MAF: variants seen among roughly 807,000 people sequenced by gnomAD.
MAF encodes MAF bZIP transcription factor, also known as transcription factor Maf.
Under a neutral mutation model 22.0 loss-of-function variants are expected in MAF, and 10 were observed. That is an observed-to-expected ratio of 0.45 (90% CI 0.28 to 0.77). MAF has a LOEUF of 0.77. Among genes scored for constraint, MAF ranks in the 30% least tolerant of loss-of-function variants. MAF has a pLI of 0.12. For synonymous variants in MAF, 337 were observed against 255.8 expected, an observed-to-expected ratio of 1.32 and a Z score of -3.03; for missense variants, 544 against 548.4, an observed-to-expected ratio of 0.99 and a Z score of 0.08.
chr16:79,389,371 G>A, the MAF span, among the ~76,000 whole-genome samples: 2 of 152,076 alleles, frequency 1.3e-5, no homozygotes, highest in Non-Finnish European at 2.9e-5. Flanking sequence ...AAGTGATTCT[G>A]CCTCAGCCTC....
the MAF span, among the ~76,000 whole-genome samples, chr16:79,368,176 AG>A: frequency 2.0e-5 from 3 of 152,068 alleles, no homozygotes; most frequent in Non-Finnish European, 2.9e-5. Context: ...AATTATTTGG[AG>A]GGCCAGGCTA....
At chr16:79,434,514 C>T in the MAF span, among the ~76,000 whole-genome samples, 1 of 152,072 alleles carries the variant, frequency 6.6e-6, no homozygotes, top group Non-Finnish European at 1.5e-5. Context: ...ATGATGTGAG[C>T]TCCCATTGGC....
chr16:79,599,786 G>A lies in MAF; in HGVS notation c.117C>T (p.Thr39=), dbSNP rs747615775. ...KFEVKKEPVE[T]DRIISQCGRL... is the part of the protein sequence containing the mutation. ...GGCCGCACTGGCTGATGATGCGGTC[G>A]GTCTCCACCGGTTCCTTTTTCACTT... is the stretch of plus-strand genomic sequence containing the variant. Residue 39 remains threonine, a synonymous_variant, in exon 1 of 2, where the codon ACC becomes ACT. Coordinates refer to ENST00000326043, the MANE Select transcript of MAF (RefSeq NM_005360.5). 2 of 1,612,934 alleles carry A rather than the reference G, an allele frequency of 1.2e-6. No homozygotes were observed. Among genetic ancestry groups the A allele is most frequent in the Non-Finnish European group, 1.7e-6 (2 of 1,179,940 alleles).
the MAF span, among the ~76,000 whole-genome samples, chr16:79,226,625 A>G: frequency 1.3e-5 from 2 of 152,094 alleles, no homozygotes. Context: ...ACCTACATTC[A>G]TGACTTTGTA....
the MAF span, among the ~76,000 whole-genome samples, chr16:79,285,846 G>T: frequency 7.3e-3 from 1,117 of 152,290 alleles, 16 homozygotes; most frequent in African/African-American, 0.025. Flanking sequence ...CAATTCTGGT[G>T]CTCACAGAAG....
the MAF span, among the ~76,000 whole-genome samples, chr16:79,379,132 A>G: frequency 2.6e-5 from 4 of 152,200 alleles, no homozygotes; most frequent in Non-Finnish European, 5.9e-5. Context: ...TAATTTGGGT[A>G]AGATCTCTGA....
At chr16:79,536,372 G>A in the MAF span, among the ~76,000 whole-genome samples, 8 of 152,220 alleles carry the variant, frequency 5.3e-5, 1 homozygote, top group Non-Finnish European at 7.3e-5. Flanking sequence ...GCTGGGCATG[G>A]TGGCTCATGC....
the MAF span, among the ~76,000 whole-genome samples, chr16:79,499,834 A>C: frequency 2.6e-5 from 4 of 152,224 alleles, no homozygotes; most frequent in Non-Finnish European, 5.9e-5. Flanking sequence ...ACATATGTCC[A>C]TGTCCTAATC....
At chr16:79,596,986 A>T in intron 1 of MAF, 2 of 1,053,110 alleles carry the variant, frequency 1.9e-6, no homozygotes, top group Non-Finnish European at 2.3e-6. Flanking sequence ...TTTTGAATGT[A>T]AAATACCCCT....
chr16:79,283,984 A>AG, the MAF span, among the ~76,000 whole-genome samples: 1 of 72,526 alleles, frequency 1.4e-5, no homozygotes, highest in Non-Finnish European at 2.7e-5. Flanking sequence ...AAAAAAAAAA[A>AG]AGACAAAGCC....
chr16:79,347,855 G>A, the MAF span, among the ~76,000 whole-genome samples: 5 of 152,146 alleles, frequency 3.3e-5, no homozygotes, highest in Admixed American at 3.3e-4. Context: ...TCCCAGGCGA[G>A]AACAGTGGGT....
the MAF span, among the ~76,000 whole-genome samples, chr16:79,241,792 A>G: frequency 1.1e-4 from 16 of 152,178 alleles, no homozygotes; most frequent in African/African-American, 3.4e-4. Context: ...GCAGCCAGAG[A>G]GAAAGGTTGG....
chr16:79,581,671 T>TA (rs1253207077), downstream of MAF, among the ~76,000 whole-genome samples: 1 of 142,826 alleles, frequency 7.0e-6, no homozygotes, highest in Non-Finnish European at 1.6e-5. Context: ...CCACTGCATG[T>TA]GAAAAAAACA....
chr16:79,481,522 C>T, the MAF span, among the ~76,000 whole-genome samples: 5 of 152,034 alleles, frequency 3.3e-5, no homozygotes, highest in Admixed American at 1.3e-4. Flanking sequence ...CAGTCCCATC[C>T]ATCCTCAAAT....
chr16:79,517,423 G>C, the MAF span, among the ~76,000 whole-genome samples: 1 of 152,192 alleles, frequency 6.6e-6, no homozygotes, highest in Admixed American at 6.5e-5. Context: ...TGCTTACCCA[G>C]AGTAACCTGG....
the MAF span, among the ~76,000 whole-genome samples, chr16:79,500,932 A>C: frequency 6.6e-6 from 1 of 152,102 alleles, no homozygotes; most frequent in Non-Finnish European, 1.5e-5. Flanking sequence ...ATTCACCGCC[A>C]TATTTTTTGG....
the MAF span, among the ~76,000 whole-genome samples, chr16:79,539,144 T>C: frequency 6.6e-6 from 1 of 152,256 alleles, no homozygotes; most frequent in Non-Finnish European, 1.5e-5. Context: ...GGGTATCTCC[T>C]GTGGTATTTG....
chr16:79,549,091 T>G, the MAF span, among the ~76,000 whole-genome samples: 4 of 152,154 alleles, frequency 2.6e-5, no homozygotes, highest in Non-Finnish European at 5.9e-5. Context: ...CTTTGAAGGA[T>G]AGTTGCAAGG....
chr16:79,523,383 A>G, the MAF span, among the ~76,000 whole-genome samples: 1 of 152,230 alleles, frequency 6.6e-6, no homozygotes, highest in East Asian at 1.9e-4. Context: ...AGTATAGGAA[A>G]TGAGGTTATG....
Sources: gnomAD v4.1 joint callset for allele counts (sites outside exome capture counted in the v4.1 genomes callset) on GRCh38, gnomAD v4.1.1 for gene constraint, MANE v1.5 for transcripts, NCBI Gene and HGNC (gene_info 2026-07-23, HGNC 2026-07-21) for gene names.